Variants in ANKAR observed in about 807,000 individuals in gnomAD.
The protein encoded by ANKAR is ankyrin and armadillo repeat-containing protein.
In ANKAR, 136 loss-of-function variants were observed where a neutral mutation model predicts 146.2. The observed-to-expected ratio is 0.93, with a 90% CI of 0.81 to 1.07. ANKAR has a LOEUF of 1.07. ANKAR is among the 50% of genes least tolerant of loss of function. The probability of loss-of-function intolerance (pLI) is 0.00; values close to 1 mark genes in which losing one functional copy is unlikely to be tolerated. For synonymous variants in ANKAR, 500 were observed against 575.8 expected (o/e 0.87, Z 1.88); for missense variants, 1,567 against 1,679.9 (o/e 0.93, Z 1.18).
chr2:189,749,399 G>A (rs763755646), downstream of ANKAR, among the ~76,000 whole-genome samples: 4 of 150,990 alleles, frequency 2.6e-5, no homozygotes, highest in Admixed American at 6.6e-5. Flanking sequence ...GCAAGATGCT[G>A]TCTATAAAAA....
At chr2:189,706,495 G>A (rs145540808) in intron 8 of ANKAR, among the ~76,000 whole-genome samples, 6 of 152,212 alleles carry the variant, frequency 3.9e-5, no homozygotes, top group African/African-American at 9.6e-5. Flanking sequence ...ATGGGTTTTC[G>A]AGCAAAACTG....
chr2:189,762,551 T>C (rs1055984474), downstream of ANKAR: 2 of 974,686 alleles, frequency 2.1e-6, no homozygotes, highest in African/African-American at 3.5e-5. Context: ...CCAAGAAAGC[T>C]GCAGGCTGAA....
chr2:189,753,185 A>AT (rs1376094643), intron 18 of ANKAR: 1 of 331,396 alleles, frequency 3.0e-6, no homozygotes, highest in East Asian at 5.0e-5. Flanking sequence ...CATTACTAGC[A>AT]TTTTTGTATA....
intron 10 of ANKAR, among the ~76,000 whole-genome samples, chr2:189,717,924 C>T (rs1039681772): frequency 6.6e-6 from 1 of 152,022 alleles, no homozygotes; most frequent in Non-Finnish European, 1.5e-5. Context: ...ACATCACATA[C>T]CAGGGCCTGT....
At chr2:189,689,425 A>T in intron 2 of ANKAR, 102 bp from the exon 3 acceptor site, 2 of 972,980 alleles carry the variant, frequency 2.1e-6, no homozygotes, top group Non-Finnish European at 3.0e-6. Context: ...CTGTCGTGAT[A>T]GTAGGATTTC....
At chr2:189,699,312 C>T (rs1034350956) in intron 7 of ANKAR, among the ~76,000 whole-genome samples, 3 of 152,210 alleles carry the variant, frequency 2.0e-5, no homozygotes, top group African/African-American at 7.2e-5. Context: ...GATTAATGCT[C>T]CTCAGCCAGC....
At chr2:189,694,005 T>C (rs946086544) in intron 5 of ANKAR, among the ~76,000 whole-genome samples, 4 of 152,130 alleles carry the variant, frequency 2.6e-5, no homozygotes, top group African/African-American at 9.7e-5. Flanking sequence ...CACGTCAGCC[T>C]CCCAAAGTGC....
intron 18 of ANKAR, among the ~76,000 whole-genome samples, chr2:189,755,839 C>T (rs559659052): frequency 6.6e-6 from 1 of 152,236 alleles, no homozygotes; most frequent in Admixed American, 6.5e-5. Context: ...GTAAAGCATT[C>T]CATACAAGTT....
At chr2:189,752,892 G>T (rs766587382) in intron 18 of ANKAR, 1 of 1,613,838 alleles carries the variant, frequency 6.2e-7, no homozygotes, top group Non-Finnish European at 8.5e-7. Flanking sequence ...CTGGGAGGAG[G>T]ACACAACAAA....
intron 2 of ANKAR, among the ~76,000 whole-genome samples, chr2:189,681,991 C>G (rs112984226): frequency 0.016 from 2,482 of 152,260 alleles, 66 homozygotes; most frequent in African/African-American, 0.057. Flanking sequence ...TGCTCTCTGC[C>G]TCAAACCTTT....
At chr2:189,706,223 A>G (rs116560720) in intron 8 of ANKAR, among the ~76,000 whole-genome samples, 2,829 of 152,054 alleles carry the variant, frequency 0.019, 85 homozygotes, top group African/African-American at 0.064. Context: ...CCCCGTCTCT[A>G]CTAAAAATAC....
chr2:189,727,992 A>T lies in ANKAR; in HGVS notation c.2772A>T (p.Gln924His). ...TTAAAGGGAAACAAATTAGTGTCCA[A>T]ATGAAAGGTGCAATGGCTGTGGAAT... ...ALFKGKQISV[Q>H]MKGAMAVESL... The change falls in exon 13 of 23, where the codon CAA (glutamine) becomes CAT (histidine). Residue 924 changes from glutamine (Q) to histidine (H), a missense_variant. Coordinates refer to ENST00000684021, the MANE Select transcript of ANKAR (RefSeq NM_001378068.1). 1.2e-6 allele frequency: 2 copies of T among 1,614,060 alleles called. No individual in the cohort carries two copies. The highest frequency in any genetic ancestry group is 1.7e-6 in the Non-Finnish European group (2 of 1,179,992).
chr2:189,760,362 G>T (rs1330121940), intron 18 of ANKAR, among the ~76,000 whole-genome samples: 1 of 152,128 alleles, frequency 6.6e-6, no homozygotes, highest in African/African-American at 2.4e-5. Context: ...CCCCTAAGAC[G>T]GGGCGGCTGC....
intron 15 of ANKAR, among the ~76,000 whole-genome samples, chr2:189,729,724 T>TGTGTGTGTGTGTGG (rs2042238459): frequency 1.2e-4 from 1 of 8,364 alleles, no homozygotes; most frequent in African/African-American, 2.6e-4. Flanking sequence ...GTGGTGCGGG[T>TGTGTGTGTGTGTGG]GGGGGGTTTG....
rs186291112 is a variant in ANKAR at position 189,704,371 on chromosome 2, G to A, written c.1709-652G>A. On this transcript the variant is annotated intron_variant, in intron 7 of 22. Transcript: ENST00000684021. ...TGTTGGCCAGGCTGGTCTCAAACTC[G>A]TGACCTCAGGTGATCCACCCACCTC... Among the ~76,000 whole-genome samples the A allele has an allele frequency of 6.1e-3, 911 of 150,226 alleles. 8 individuals are homozygous for A. The highest frequency in any genetic ancestry group is 9.6e-3 in the Non-Finnish European group (646 of 67,406).
intron 2 of ANKAR, among the ~76,000 whole-genome samples, chr2:189,689,175 G>A (rs140219371): frequency 7.6e-4 from 115 of 152,246 alleles, no homozygotes; most frequent in Non-Finnish European, 1.4e-3. Context: ...TTGCCACAAA[G>A]AGTCTGTTCT....
At chr2:189,702,823 A>G (rs756756820) in intron 7 of ANKAR, among the ~76,000 whole-genome samples, 2 of 152,214 alleles carry the variant, frequency 1.3e-5, no homozygotes, top group African/African-American at 2.4e-5. Flanking sequence ...TGGTTCACTG[A>G]GGAAATATCT....
At chr2:189,691,151 G>T (rs1356121411) in intron 3 of ANKAR, among the ~76,000 whole-genome samples, 1 of 152,152 alleles carries the variant, frequency 6.6e-6, no homozygotes, top group African/African-American at 2.4e-5. Flanking sequence ...CACCTCCCGG[G>T]TTCAAGCGAT....
chr2:189,708,940 A>G (rs978986431), intron 9 of ANKAR, among the ~76,000 whole-genome samples: 12 of 152,274 alleles, frequency 7.9e-5, no homozygotes, highest in Middle Eastern at 3.4e-3. Context: ...TGTCTCTACT[A>G]AAAATACAAA....
Sources: gnomAD v4.1 joint callset for allele counts (sites outside exome capture counted in the v4.1 genomes callset) on GRCh38, gnomAD v4.1.1 for gene constraint, MANE v1.5 for transcripts, NCBI Gene and HGNC (gene_info 2026-07-23, HGNC 2026-07-21) for gene names.